The following SLC2A1 variants were observed in gnomAD, a reference collection of about 807,000 sequenced individuals.
SLC2A1 encodes the protein solute carrier family 2 member 1, also known as solute carrier family 2, facilitated glucose transporter member 1.
In SLC2A1, 4 loss-of-function variants were observed where a neutral mutation model predicts 46.6. That is an observed-to-expected ratio of 0.09 (90% CI 0.04 to 0.20). The LOEUF (loss-of-function observed/expected upper bound fraction) is 0.20. Among genes scored for constraint, SLC2A1 ranks in the 10% least tolerant of loss-of-function variants. The pLI is 1.00. For missense variants in SLC2A1, 352 were observed against 667.0 expected, an observed-to-expected ratio of 0.53 and a Z score of 5.20; for synonymous variants, 253 against 270.0, an observed-to-expected ratio of 0.94 and a Z score of 0.62.
In SLC2A1 at chr1:42,927,031, C is replaced by G. The variant is rs1227761746; in HGVS notation, c.*10G>C. ...GCTGGGAGCAGGCCGGGCTGGTGAT[C>G]TGGGGCGACTCACACTTGGGAATCA... On this transcript the variant is annotated 3_prime_UTR_variant, in exon 10 of 10. Coordinates refer to ENST00000426263, the MANE Select transcript of SLC2A1 (RefSeq NM_006516.4). This position sits in a 1 kb window ranked among gnomAD's most constrained non-coding sequence, Gnocchi z 5.3. 1.2e-6 allele frequency: 2 copies of G among 1,612,802 alleles called. No individual in the cohort carries two copies. The highest frequency in any genetic ancestry group is 1.3e-5 in the African/African-American group (1 of 74,902).
At position 42,946,245 on chromosome 1, in the gene SLC2A1, C is replaced by T. The variant is rs72958831; in HGVS notation, c.19-2924G>A. On this transcript the variant is annotated intron_variant, in intron 1 of 9. Transcript: ENST00000426263. Reference sequence around the variant, plus strand: ...GTCATCAGCAGGTCGAGGTCAAACTCGACTTTAGAAAACCTGCCTACCCAC... The same window carrying T: ...GTCATCAGCAGGTCGAGGTCAAACTTGACTTTAGAAAACCTGCCTACCCAC... 5.1e-3 allele frequency among the ~76,000 whole-genome samples: 770 copies of T among 152,242 alleles called. 5 individuals carry two copies. The highest frequency in any genetic ancestry group is 0.018 in the African/African-American group (727 of 41,522).
Position 42,929,908 on chromosome 1 carries a change from A to C in SLC2A1, c.644T>G (p.Leu215Arg). The change falls in exon 5 of 10, where the codon CTC becomes CGC. Residue 215 changes from leucine to arginine, a missense_variant. Coordinates refer to ENST00000426263, the MANE Select transcript of SLC2A1 (RefSeq NM_006516.4). This position sits in a 1 kb window ranked among gnomAD's most constrained non-coding sequence, Gnocchi z 6.0. ...CCGGTTCTCCTCGTTGCGGTTGATGAGCAGGAAGCGGGGACTCTCGGGGCA... is the reference window on the plus strand; with the variant it reads ...CCGGTTCTCCTCGTTGCGGTTGATGCGCAGGAAGCGGGGACTCTCGGGGCA... ...PFCPESPRFL[L>R]INRNEENRAK... is the part of the protein sequence containing the mutation. 6.2e-7 allele frequency: 1 copy of C among 1,613,936 alleles called. No homozygotes were observed. The highest frequency in any genetic ancestry group is 8.5e-7 in the Non-Finnish European group (1 of 1,179,982).
chr1:42,935,000 G>A (rs775710908), intron 2 of SLC2A1, among the ~76,000 whole-genome samples: 6 of 152,124 alleles, frequency 3.9e-5, no homozygotes, highest in Non-Finnish European at 8.8e-5. Context: ...CACCAAATGT[G>A]CCAGGCTCGG....
rs372213086 is a variant in SLC2A1 at position 42,934,445 on chromosome 1, TG to T, written c.115-3240del. Among the ~76,000 whole-genome samples the T allele has an allele frequency of 2.3e-3, 345 of 152,332 alleles. 3 individuals carry two copies. Among genetic ancestry groups the T allele is most frequent in the African/African-American group, 7.8e-3 (326 of 41,576 alleles). On this transcript the variant is annotated intron_variant, in intron 2 of 9. Coordinates refer to ENST00000426263, the MANE Select transcript of SLC2A1 (RefSeq NM_006516.4). ...GAGATTTCTGGGAAGAAGCCACGCC[TG>T]GTTTTCCAATTCCTACTGCTGGTTC...
chr1:42,930,647 G>A lies in SLC2A1; in HGVS notation c.495C>T (p.Val165=), dbSNP rs181115612. The change falls in exon 4 of 10, where the codon GTC becomes GTT. Residue 165 remains valine (V), a synonymous_variant. Coordinates refer to ENST00000426263, the MANE Select transcript of SLC2A1 (RefSeq NM_006516.4). This position sits in a 1 kb window ranked among gnomAD's most constrained non-coding sequence, Gnocchi z 6.2. Reference sequence around the variant, plus strand: ...TTACCTGGGCGATGAGGATGCCGACGACGATGCCCAGCTGGTGCAGGGTGC... The same window carrying A: ...TTACCTGGGCGATGAGGATGCCGACAACGATGCCCAGCTGGTGCAGGGTGC... The part of the protein sequence containing the change: ...ALGTLHQLGI[V]VGILIAQVFG... The A allele has an allele frequency of 2.7e-5, 43 of 1,612,282 alleles. No individual in the cohort carries two copies. The highest frequency in any genetic ancestry group is 1.7e-4 in the South Asian group (15 of 90,864).
At position 42,929,085 on chromosome 1, in the gene SLC2A1, C is replaced by T; in HGVS notation, c.973-52G>A. 1 of 1,585,808 alleles carries T rather than the reference C, an allele frequency of 6.3e-7. No individual in the cohort carries two copies. Among genetic ancestry groups the T allele is most frequent in the Non-Finnish European group, 8.7e-7 (1 of 1,155,402 alleles). ...ACCCCTGCCTAGTGCCCTTCTGAAC[C>T]CACCCACCCAGAGGCCTTGCCTCAA... On this transcript the variant is annotated intron_variant, in intron 7 of 9. Coordinates refer to ENST00000426263, the MANE Select transcript of SLC2A1 (RefSeq NM_006516.4). This position sits in a 1 kb window ranked among gnomAD's most constrained non-coding sequence, Gnocchi z 6.0.
Position 42,929,073 on chromosome 1 carries a change from G to T in SLC2A1, c.973-40C>A. On this transcript the variant is annotated intron_variant, in intron 7 of 9. Transcript: ENST00000426263. This position sits in a 1 kb window ranked among gnomAD's most constrained non-coding sequence, Gnocchi z 6.0. ...AGTGTCAGTGCCACCCCTGCCTAGT[G>T]CCCTTCTGAACCCACCCACCCAGAG... 6.3e-7 allele frequency: 1 copy of T among 1,598,618 alleles called. No homozygotes were observed. Among genetic ancestry groups the T allele is most frequent in the Non-Finnish European group, 8.6e-7 (1 of 1,167,118 alleles).
chr1:42,949,156 T>C (rs1643693928), intron 1 of SLC2A1, among the ~76,000 whole-genome samples: 1 of 150,590 alleles, frequency 6.6e-6, no homozygotes, highest in Admixed American at 6.6e-5. Context: ...GGCAGGAGAA[T>C]AGAATCACTT....
intron 2 of SLC2A1, among the ~76,000 whole-genome samples, chr1:42,933,222 C>T (rs568021278): frequency 1.3e-5 from 2 of 152,164 alleles, no homozygotes; most frequent in Non-Finnish European, 2.9e-5. Flanking sequence ...CAGAGTCTCC[C>T]CAAGCCTTCA....
At chr1:42,928,565 T>C (rs1174828286) in intron 8 of SLC2A1, among the ~76,000 whole-genome samples, 1 of 152,176 alleles carries the variant, frequency 6.6e-6, no homozygotes, top group Non-Finnish European at 1.5e-5. Context: ...AGGCAAGGCA[T>C]GTTTCTGCGC....
In SLC2A1 at chr1:42,930,068, C is replaced by A. The variant is rs754569946; in HGVS notation, c.517-33G>T. The A allele has an allele frequency of 1.2e-6, 2 of 1,611,944 alleles. No homozygotes were observed. Among genetic ancestry groups the A allele is most frequent in the Non-Finnish European group, 1.7e-6 (2 of 1,179,554 alleles). ...AAGCAGGGGCCGTGAGCGCCTCTGC[C>A]CTGACCCCCTTTCCCACCCCGTCCT... On this transcript the variant is annotated intron_variant, in intron 4 of 9. Transcript: ENST00000426263. This position sits in a 1 kb window ranked among gnomAD's most constrained non-coding sequence, Gnocchi z 6.2.
chr1:42,947,690 C>T (rs7512565), intron 1 of SLC2A1, among the ~76,000 whole-genome samples: 21,916 of 151,456 alleles, frequency 0.14, 1,797 homozygotes, highest in South Asian at 0.18. Context: ...CCACTTCACT[C>T]CAGCCTCGGC....
At chr1:42,942,963 T>C in intron 2 of SLC2A1, 1 of 552,894 alleles carries the variant, frequency 1.8e-6, no homozygotes, top group Non-Finnish European at 3.3e-6. Context: ...AATGACTGAG[T>C]TGGGTGGGGG....
At chr1:42,931,827 C>A (rs371555416) in intron 2 of SLC2A1, among the ~76,000 whole-genome samples, 575 of 106,084 alleles carry the variant, frequency 5.4e-3, no homozygotes, top group African/African-American at 6.6e-3. Context: ...CTCTATGTCT[C>A]AAAAAAAAAA....
At chr1:42,940,175 T>C (rs1448112909) in intron 2 of SLC2A1, among the ~76,000 whole-genome samples, 1 of 152,080 alleles carries the variant, frequency 6.6e-6, no homozygotes, top group Non-Finnish European at 1.5e-5. Flanking sequence ...CTTTTCTCCC[T>C]CTCCCACCAA....
At chr1:42,947,558 C>T (rs1181312445) in intron 1 of SLC2A1, among the ~76,000 whole-genome samples, 1 of 107,894 alleles carries the variant, frequency 9.3e-6, no homozygotes, top group Non-Finnish European at 1.7e-5. Context: ...CAGGTCTCTA[C>T]TAAAATTACA....
intron 1 of SLC2A1, chr1:42,951,690 T>C: frequency 5.0e-6 from 2 of 396,932 alleles, no homozygotes; most frequent in Non-Finnish European, 4.4e-6. Flanking sequence ...TCCAATTTTT[T>C]TTCCAGTCAC....
chr1:42,947,595 A>AC (rs1418783233), intron 1 of SLC2A1, among the ~76,000 whole-genome samples: 1 of 151,162 alleles, frequency 6.6e-6, no homozygotes, highest in Non-Finnish European at 1.5e-5. Flanking sequence ...AAAAAAAAAA[A>AC]AAAAAAAAAA....
At chr1:42,931,811 G>A (rs762145504) in intron 2 of SLC2A1, among the ~76,000 whole-genome samples, 19 of 139,080 alleles carry the variant, frequency 1.4e-4, no homozygotes, top group South Asian at 2.4e-4. Flanking sequence ...GAGTGACAGA[G>A]TGAGACTCTA....
Sources: allele counts gnomAD v4.1 joint callset (sites outside exome capture counted in the v4.1 genomes callset), GRCh38; gene constraint gnomAD v4.1.1; non-coding constraint Gnocchi (gnomAD v3.1); transcripts MANE v1.5; gene names NCBI Gene and HGNC (gene_info 2026-07-23, HGNC 2026-07-21).